CATSPERG: variants seen among roughly 807,000 people sequenced by gnomAD.
CATSPERG encodes the protein catsper channel auxiliary subunit gamma.
A neutral mutation model predicts 145.0 loss-of-function variants in CATSPERG; 115 were observed. The observed-to-expected ratio is 0.79, with a 90% CI of 0.68 to 0.93. The LOEUF (loss-of-function observed/expected upper bound fraction) is 0.93. Among genes scored for constraint, CATSPERG ranks in the 40% least tolerant of loss-of-function variants. The probability of loss-of-function intolerance (pLI) is 0.00; values close to 1 mark genes in which losing one functional copy is unlikely to be tolerated. For synonymous variants in CATSPERG, 588 were observed against 589.0 expected (o/e 1.00, Z 0.02); for missense variants, 1,296 against 1,490.1 (o/e 0.87, Z 2.14).
intron 22 of CATSPERG, chr19:38,366,645 CAG>C (rs1190433676): frequency 6.5e-6 from 1 of 152,890 alleles, no homozygotes; most frequent in Non-Finnish European, 1.4e-5. Context: ...TTGGACAAAA[CAG>C]GGTGGGGGCA....
rs1457745535 is a variant in CATSPERG, at chr19:38,358,637, G to A, written c.1496+76G>A. On this transcript the variant is annotated intron_variant, in intron 13 of 28. Transcript: ENST00000409235. ...AACTTTACGGTGGGGACCCTTTCAA[G>A]CCCAGGCTAGGCAAGTCTCACCAAG... 11 of 1,574,286 alleles carry A rather than the reference G, an allele frequency of 7.0e-6. No individual in the cohort carries two copies. In the Admixed American group the frequency reaches 1.5e-4, roughly 22 times the overall value.
rs1470340525 is a variant in CATSPERG at position 38,360,616 on chromosome 19, C to T, written c.1736C>T (p.Thr579Ile). ...SLYASNETML[T>I]LFYEDSKLYQ... ...TACGCATCCAATGAGACCATGCTGA[C>T]CCTCTTCTACGAAGACAGCAAACTG... Residue 579 changes from threonine (T) to isoleucine (I), a missense_variant, in exon 15 of 29, where the codon ACC becomes ATC. Thr to Ile is a moderately conservative substitution (Grantham distance 89). Coordinates refer to ENST00000409235, the MANE Select transcript of CATSPERG (RefSeq NM_021185.5). The T allele has an allele frequency of 1.9e-6, 3 of 1,614,108 alleles. No homozygotes were observed. Among genetic ancestry groups the T allele is most frequent in the Non-Finnish European group, 2.5e-6 (3 of 1,180,036 alleles).
At chr19:38,365,247 TCCAC>T (rs1600483457) in intron 22 of CATSPERG, 130 bp downstream of exon 22, 2 of 791,500 alleles carry the variant, frequency 2.5e-6, no homozygotes, top group East Asian at 5.3e-5. Context: ...TCAACATTCA[TCCAC>T]CCACCCACTA....
chr19:38,346,750 AC>A, intron 7 of CATSPERG, 145 bp downstream of exon 7: 1 of 711,204 alleles, frequency 1.4e-6, no homozygotes, highest in East Asian at 3.1e-5. Context: ...AAGAAAAAAC[AC>A]AAGATTCTAC....
At chr19:38,370,389 GC>G in intron 28 of CATSPERG, 131 bp downstream of exon 28, 1 of 1,401,844 alleles carries the variant, frequency 7.1e-7, no homozygotes, top group Non-Finnish European at 1.0e-6. Flanking sequence ...CGCCTGCCAT[GC>G]CACAGGCTGT....
At position 38,358,516 on chromosome 19, in the gene CATSPERG, C is replaced by G. The variant is rs773023618; in HGVS notation, c.1451C>G (p.Pro484Arg). The G allele has an allele frequency of 1.9e-6, 3 of 1,614,214 alleles. No homozygotes were observed. The highest frequency in any genetic ancestry group is 1.7e-5 in the Admixed American group (1 of 60,018). The change falls in exon 13 of 29, where the codon CCG becomes CGG. Residue 484 changes from proline (P) to arginine (R), a missense_variant. Physicochemically the swap from Pro to Arg is moderately radical, Grantham distance 103. Transcript: ENST00000409235. Reference sequence around the variant, plus strand: ...GCCCCCAAGGGCATCTTCTGTAACCCGTACAACAATCTGATCTTCATCTGG... The same window carrying G: ...GCCCCCAAGGGCATCTTCTGTAACCGGTACAACAATCTGATCTTCATCTGG... Reference protein sequence around the residue: ...AMAPKGIFCNPYNNLIFIWGN... With the variant: ...AMAPKGIFCNRYNNLIFIWGN...
intron 3 of CATSPERG, among the ~76,000 whole-genome samples, chr19:38,339,963 TCCTGCCTCAG>T (rs1438928672): frequency 6.6e-6 from 1 of 152,094 alleles, no homozygotes; most frequent in East Asian, 1.9e-4. Flanking sequence ...CAAGCGATTC[TCCTGCCTCAG>T]CCTACTGAGT....
intron 13 of CATSPERG, 74 bp from the exon 14 acceptor site, chr19:38,359,396 C>T: frequency 1.1e-6 from 1 of 921,170 alleles, no homozygotes; most frequent in Non-Finnish European, 1.8e-6. Context: ...TAAGTGGCTC[C>T]CGTGTTATTA....
chr19:38,344,416 T>C, intron 6 of CATSPERG, 48 bp downstream of exon 6: 1 of 1,496,710 alleles, frequency 6.7e-7, no homozygotes, highest in South Asian at 1.2e-5. Context: ...GGCCTTAGGC[T>C]GACGCCCTGG....
chr19:38,356,219 TA>T (rs1315211525), intron 9 of CATSPERG, among the ~76,000 whole-genome samples: 1 of 152,084 alleles, frequency 6.6e-6, no homozygotes, highest in Non-Finnish European at 1.5e-5. Context: ...TCTTTCCCAT[TA>T]ATTCTAACAC....
chr19:38,345,507 ATTT>A (rs371421306), intron 6 of CATSPERG, among the ~76,000 whole-genome samples: 1 of 130,232 alleles, frequency 7.7e-6, no homozygotes, highest in Non-Finnish European at 1.6e-5. Context: ...CCCATATTCA[ATTT>A]TTTTTTTTTT....
intron 7 of CATSPERG, among the ~76,000 whole-genome samples, chr19:38,346,932 C>T (rs1056597426): frequency 2.0e-5 from 3 of 152,060 alleles, no homozygotes; most frequent in African/African-American, 4.8e-5. Flanking sequence ...AGTTTCTGGC[C>T]GGGTGCAGAG....
intron 6 of CATSPERG, among the ~76,000 whole-genome samples, chr19:38,346,136 G>C (rs994552699): frequency 3.3e-5 from 5 of 152,218 alleles, no homozygotes; most frequent in African/African-American, 1.2e-4. Flanking sequence ...GCCTCATTGA[G>C]GAGGTTAAGC....
At chr19:38,350,403 G>A (rs1015559881) in intron 7 of CATSPERG, among the ~76,000 whole-genome samples, 1 of 152,070 alleles carries the variant, frequency 6.6e-6, no homozygotes. Context: ...TTGAGACGGA[G>A]TTTCGCTCTT....
At position 38,358,434 on chromosome 19, in the gene CATSPERG, C is replaced by T. The variant is rs554658371; in HGVS notation, c.1369C>T (p.Arg457Ter). The change falls in exon 13 of 29, where the codon CGA becomes TGA. Residue 457 changes from arginine (R) to a stop codon, truncating the protein, a stop_gained and splice_region_variant. Coordinates refer to ENST00000409235, the MANE Select transcript of CATSPERG (RefSeq NM_021185.5). LOFTEE classifies it high-confidence loss of function. ...YHIPEFIPEARGLEFLMILGT... is the reference protein window; with the variant it reads ...YHIPEFIPEA ...CTCTCTTCCTCTGCTCCGGTCAGCT[C>T]GAGGATTGGAGTTCCTGATGATCCT... is the stretch of plus-strand genomic sequence containing the variant. 1.9e-6 allele frequency: 3 copies of T among 1,614,018 alleles called. No individual in the cohort carries two copies. Among genetic ancestry groups the T allele is most frequent in the East Asian group, 4.5e-5 (2 of 44,888 alleles).
chr19:38,353,630 G>A (rs1164786568), intron 8 of CATSPERG, among the ~76,000 whole-genome samples: 2 of 149,066 alleles, frequency 1.3e-5, no homozygotes, highest in Admixed American at 6.8e-5. Flanking sequence ...CCGGGAGGCG[G>A]AGCTTGCAGT....
Position 38,370,693 on chromosome 19 carries a change from G to GTC in CATSPERG, c.3385_3386dup (p.Arg1130Ter), listed in dbSNP as rs1568385470. 1 of 1,613,696 alleles carries GTC rather than the reference G, an allele frequency of 6.2e-7. No homozygotes were observed. Among genetic ancestry groups the GTC allele is most frequent in the South Asian group, 1.1e-5 (1 of 91,074 alleles). ...CCATTTCCGGAATCTCGAGCATGCC[G>GTC]TCTCTGAGACATTCCAGGATGGGCT... On this transcript the variant is annotated frameshift_variant, in exon 29 of 29. Transcript: ENST00000409235. LOFTEE classifies it low-confidence loss of function (END_TRUNC).
intron 3 of CATSPERG, 121 bp from the exon 4 acceptor site, chr19:38,343,459 C>CCTGCGCCT (rs1969971058): frequency 1.1e-6 from 1 of 879,642 alleles, no homozygotes; most frequent in Non-Finnish European, 1.7e-6. Context: ...CTGACCATCA[C>CCTGCGCCT]ATGGTGGACA....
chr19:38,362,773 T>G lies in CATSPERG; in HGVS notation c.2416T>G (p.Cys806Gly). 6.2e-7 allele frequency: 1 copy of G among 1,613,844 alleles called. No homozygotes were observed. The highest frequency in any genetic ancestry group is 1.1e-5 in the South Asian group (1 of 91,068). ...GGGCGTGGTGCTGGCCGACCCCGGC[T>G]GCATCGAGGCCTCGGTGAAGCAGGA... The part of the protein sequence containing the change: ...DVGVVLADPG[C>G]IEASVKQEVL... The change falls in exon 20 of 29, where the codon TGC becomes GGC. Residue 806 changes from cysteine (C) to glycine (G), a missense_variant. Physicochemically the swap from Cys to Gly is radical, Grantham distance 159. Coordinates refer to ENST00000409235, the MANE Select transcript of CATSPERG (RefSeq NM_021185.5).
Sources: gnomAD v4.1 joint callset for allele counts (sites outside exome capture counted in the v4.1 genomes callset) on GRCh38, gnomAD v4.1.1 for gene constraint, MANE v1.5 for transcripts, NCBI Gene and HGNC (gene_info 2026-07-23, HGNC 2026-07-21) for gene names.